CGB8: variants seen among roughly 807,000 people sequenced by gnomAD.
CGB8 encodes the protein chorionic gonadotropin, beta polypeptide 8.
A neutral mutation model predicts 7.6 loss-of-function variants in CGB8; 2 were observed. The ratio of observed to expected loss-of-function variants is 0.26; its 90% CI spans 0.11 to 0.83. The LOEUF (loss-of-function observed/expected upper bound fraction) is 0.83, where lower values mean the gene tolerates loss of function less well. CGB8 is among the 40% of genes least tolerant of loss of function. CGB8 has a pLI of 0.65. For synonymous variants in CGB8, 8 were observed against 91.5 expected (o/e 0.09, Z 5.21); for missense variants, 16 against 208.2 (o/e 0.08, Z 5.68).
Position 49,049,003 on chromosome 19 carries a change from C to G in CGB8, c.-264G>C, listed in dbSNP as rs964462686. On this transcript the variant is annotated 5_prime_UTR_variant, in exon 1 of 3. Coordinates refer to ENST00000448456, the MANE Select transcript of CGB8 (RefSeq NM_033183.3). ...CAGTCGTCGAGTGCTAGGGACTAGT[C>G]GAGCCTGGAGGCACAGGGAGTAGGG... The G allele has an allele frequency of 3.6e-6, 5 of 1,377,774 alleles. No homozygotes were observed. Among genetic ancestry groups the G allele is most frequent in the African/African-American group, 1.5e-5 (1 of 67,312 alleles). The allele number at this position is 1,377,774 out of a possible 1,614,324, so 85.3% of individuals were successfully genotyped here.
rs1268659380 is a variant in CGB8 at position 49,048,886 on chromosome 19, G to A, written c.-147C>T. 19 of 1,438,678 alleles carry A rather than the reference G, an allele frequency of 1.3e-5. No homozygotes were observed. Among genetic ancestry groups the A allele is most frequent in the Middle Eastern group, 2.0e-4 (1 of 4,884 alleles). 89.1% of individuals were successfully genotyped at this position (1,438,678 alleles called of 1,614,324 possible). ...AGGTAGACAAGGCCAGGGGGGCGCA[G>A]GAGTGGCTCAGCGGAGCGCCCCAGC... On this transcript the variant is annotated 5_prime_UTR_variant, in exon 1 of 3. Transcript: ENST00000448456.
rs548163086 is a variant in CGB8, at chr19:49,048,631, G to A, written c.15+94C>T. On this transcript the variant is annotated intron_variant, in intron 1 of 2. Transcript: ENST00000448456. ...TGGGGGTCACGCTCCTCCAGAAAGA[G>A]GCCTCCTTCCACAGCTCACACTGGT... 9.4e-5 allele frequency: 151 copies of A among 1,608,870 alleles called. No individual in the cohort carries two copies. The African/African-American group carries it at 1.8e-3, about 20-fold the overall frequency.
intron 1 of CGB8, 37 bp downstream of exon 1, chr19:49,048,688 A>T: frequency 2.5e-6 from 4 of 1,612,684 alleles, no homozygotes; most frequent in Non-Finnish European, 3.4e-6. Flanking sequence ...ATTGCCTGGA[A>T]GGAGGTGGAA....
rs1230740641 is a variant in CGB8 at position 49,048,716 on chromosome 19, C to T, written c.15+9G>A. 1.9e-6 allele frequency: 3 copies of T among 1,613,108 alleles called. No individual in the cohort carries two copies. Among genetic ancestry groups the T allele is most frequent in the East Asian group, 2.2e-5 (1 of 44,876 alleles). ...AGGTGGAAGGTGCCCAGGGGCCCTG[C>T]AGTCTTACCTGGAACATCTCCATCC... On this transcript the variant is annotated intron_variant, in intron 1 of 2. Coordinates refer to ENST00000448456, the MANE Select transcript of CGB8 (RefSeq NM_033183.3).
chr19:49,048,702 G>A, intron 1 of CGB8, 23 bp downstream of exon 1: 5 of 1,612,844 alleles, frequency 3.1e-6, no homozygotes, highest in Non-Finnish European at 3.4e-6. Flanking sequence ...GGTGGAAGGT[G>A]CCCAGGGGCC....
In CGB8 at chr19:49,048,926, G is replaced by A; in HGVS notation, c.-187C>T. ...AGCGCCCCAGCCCTCTCCTCTCACT[G>A]GTCCAGCGCCAAGGGTGAGGCGGAG... On this transcript the variant is annotated 5_prime_UTR_variant, in exon 1 of 3. Transcript: ENST00000448456. 1 of 1,303,484 alleles carries A rather than the reference G, an allele frequency of 7.7e-7. No individual in the cohort carries two copies. The highest frequency in any genetic ancestry group is 1.4e-5 in the South Asian group (1 of 69,426). The allele number at this position is 1,303,484 out of a possible 1,614,324, so 80.7% of individuals were successfully genotyped here.
At position 49,048,398 on chromosome 19, in the gene CGB8, G is replaced by A. The variant is rs536578579; in HGVS notation, c.16-26C>T. The A allele has an allele frequency of 1.3e-4, 210 of 1,597,496 alleles. 2 individuals are homozygous for A. The highest frequency in any genetic ancestry group is 1.3e-4 in the Non-Finnish European group (150 of 1,179,686). ...CTGGGACAAGGACACTGCTTCACCC[G>A]GGTCTGAGACCGCAGCCCCGAGTCC... On this transcript the variant is annotated intron_variant, in intron 1 of 2. Transcript: ENST00000448456.
chr19:49,048,809 G>C lies in CGB8; in HGVS notation c.-70C>G. On this transcript the variant is annotated 5_prime_UTR_variant, in exon 1 of 3. Coordinates refer to ENST00000448456, the MANE Select transcript of CGB8 (RefSeq NM_033183.3). Reference sequence around the variant, plus strand: ...GGTTGTGGGGGCGGCAAGGCCACCAGGAGGTTGTAGGATGCTGGAGTGAGC... The same window carrying C: ...GGTTGTGGGGGCGGCAAGGCCACCACGAGGTTGTAGGATGCTGGAGTGAGC... The C allele has an allele frequency of 6.2e-7, 1 of 1,612,320 alleles. No homozygotes were observed. Among genetic ancestry groups the C allele is most frequent in the Non-Finnish European group, 8.5e-7 (1 of 1,179,602 alleles).
rs868175758 is a variant in CGB8, at chr19:49,048,956, C to T, written c.-217G>A. On this transcript the variant is annotated 5_prime_UTR_variant, in exon 1 of 3. The change creates a new upstream start codon in the 5' untranslated region. Coordinates refer to ENST00000448456, the MANE Select transcript of CGB8 (RefSeq NM_033183.3). ...AGCGCCAAGGGTGAGGCGGAGACCA[C>T]GGTGAAGTGACCTCAGAGACTCAGT... The T allele has an allele frequency of 9.4e-6, 13 of 1,389,238 alleles. No homozygotes were observed. The highest frequency in any genetic ancestry group is 2.5e-5 in the East Asian group (1 of 39,802). 86.1% of individuals were successfully genotyped at this position (1,389,238 alleles called of 1,614,324 possible).
chr19:49,048,675 G>A (rs747483179), intron 1 of CGB8, 50 bp downstream of exon 1: 3 of 1,612,346 alleles, frequency 1.9e-6, no homozygotes, highest in Admixed American at 3.3e-5. Flanking sequence ...TCTCATGCCA[G>A]TGATTGCCTG....
chr19:49,048,619 C>T (rs1285993436), intron 1 of CGB8, 106 bp downstream of exon 1: 2 of 1,607,732 alleles, frequency 1.2e-6, no homozygotes, highest in Non-Finnish European at 1.7e-6. Context: ...GGGTCACGCT[C>T]CTCCAGAAAG....
Position 49,048,808 on chromosome 19 carries a change from A to G in CGB8, c.-69T>C, listed in dbSNP as rs2039964890. 6.2e-7 allele frequency: 1 copy of G among 1,612,228 alleles called. No individual in the cohort carries two copies. Among genetic ancestry groups the G allele is most frequent in the Admixed American group, 1.7e-5 (1 of 59,992 alleles). On this transcript the variant is annotated 5_prime_UTR_variant, in exon 1 of 3. Coordinates refer to ENST00000448456, the MANE Select transcript of CGB8 (RefSeq NM_033183.3). Reference sequence around the variant, plus strand: ...GGGTTGTGGGGGCGGCAAGGCCACCAGGAGGTTGTAGGATGCTGGAGTGAG... The same window carrying G: ...GGGTTGTGGGGGCGGCAAGGCCACCGGGAGGTTGTAGGATGCTGGAGTGAG...
Position 49,048,843 on chromosome 19 carries a change from A to C in CGB8, c.-104T>G. On this transcript the variant is annotated 5_prime_UTR_variant, in exon 1 of 3. Transcript: ENST00000448456. Reference sequence around the variant, plus strand: ...AGGATGCTGGAGTGAGCTCGACACTAACCCTTCGGGGGGCAAGAGGTAGAC... The same window carrying C: ...AGGATGCTGGAGTGAGCTCGACACTCACCCTTCGGGGGGCAAGAGGTAGAC... The C allele has an allele frequency of 6.2e-7, 1 of 1,604,766 alleles. No individual in the cohort carries two copies. Among genetic ancestry groups the C allele is most frequent in the Non-Finnish European group, 8.5e-7 (1 of 1,173,628 alleles).
chr19:49,048,331 C>G lies in CGB8; in HGVS notation c.57G>C (p.Trp19Cys). ...LLLLLSMGGTWASKEPLRPRC... is the reference protein window; with the variant it reads ...LLLLLSMGGTCASKEPLRPRC... ...GTGGCCGAAGCGGCTCCTTGGATGCCCATGTCCCGCCCATGCTCAGCAGCA... is the reference window on the plus strand; with the variant it reads ...GTGGCCGAAGCGGCTCCTTGGATGCGCATGTCCCGCCCATGCTCAGCAGCA... The change falls in exon 2 of 3, where the codon TGG becomes TGC. Residue 19 changes from tryptophan (W) to cysteine (C), a missense_variant. By Grantham distance (215) the Trp-to-Cys change is radical. Transcript: ENST00000448456. 2.5e-6 allele frequency: 4 copies of G among 1,593,244 alleles called. No homozygotes were observed. Among genetic ancestry groups the G allele is most frequent in the Non-Finnish European group, 3.4e-6 (4 of 1,179,348 alleles).
Position 49,049,102 on chromosome 19 carries a change from G to A in CGB8, c.-363C>T. 1 of 1,160,138 alleles carries A rather than the reference G, an allele frequency of 8.6e-7. No homozygotes were observed. The highest frequency in any genetic ancestry group is 1.1e-6 in the Non-Finnish European group (1 of 932,018). 71.9% of individuals were successfully genotyped at this position (1,160,138 alleles called of 1,614,324 possible). On this transcript the variant is annotated 5_prime_UTR_variant, in exon 1 of 3. Coordinates refer to ENST00000448456, the MANE Select transcript of CGB8 (RefSeq NM_033183.3). ...GAGGCCGTGACCCGAGAAAGGTGCT[G>A]GACTGAAGCCTCAACCCTCCTCTAC... is the stretch of plus-strand genomic sequence containing the variant.
At position 49,048,789 on chromosome 19, in the gene CGB8, T is replaced by G. The variant is rs1178539999; in HGVS notation, c.-50A>C. ...TACCTGGCTTTAAACCTCGGGGTTG[T>G]GGGGGCGGCAAGGCCACCAGGAGGT... On this transcript the variant is annotated 5_prime_UTR_variant, in exon 1 of 3. Transcript: ENST00000448456. 5.6e-6 allele frequency: 9 copies of G among 1,612,518 alleles called. No individual in the cohort carries two copies. The highest frequency in any genetic ancestry group is 7.6e-6 in the Non-Finnish European group (9 of 1,179,792).
Position 49,048,839 on chromosome 19 carries a change from C to A in CGB8, c.-100G>T, listed in dbSNP as rs866060952. The stretch of plus-strand genomic sequence containing the variant: ...TTGTAGGATGCTGGAGTGAGCTCGA[C>A]ACTAACCCTTCGGGGGGCAAGAGGT... On this transcript the variant is annotated 5_prime_UTR_variant, in exon 1 of 3. Coordinates refer to ENST00000448456, the MANE Select transcript of CGB8 (RefSeq NM_033183.3). The A allele has an allele frequency of 1.5e-5, 24 of 1,606,744 alleles. No individual in the cohort carries two copies. Among genetic ancestry groups the A allele is most frequent in the Middle Eastern group, 3.3e-4 (2 of 5,996 alleles).
intron 2 of CGB8, 89 bp downstream of exon 2, chr19:49,048,116 C>T: frequency 9.3e-7 from 1 of 1,072,442 alleles, no homozygotes; most frequent in Non-Finnish European, 1.3e-6. Context: ...CAGCCCCTGA[C>T]CAGAGAGGCA....
In CGB8 at chr19:49,048,717, A is replaced by C. The variant is rs546263075; in HGVS notation, c.15+8T>G. 167 of 1,613,086 alleles carry C rather than the reference A, an allele frequency of 1.0e-4. 5 individuals carry two copies. In the East Asian group the frequency reaches 3.0e-3, roughly 29 times the overall value. On this transcript the variant is annotated splice_region_variant and intron_variant, in intron 1 of 2. Transcript: ENST00000448456. The stretch of plus-strand genomic sequence containing the variant: ...GGTGGAAGGTGCCCAGGGGCCCTGC[A>C]GTCTTACCTGGAACATCTCCATCCT...
Sources: gnomAD v4.1 joint callset for allele counts on GRCh38, gnomAD v4.1.1 for gene constraint, MANE v1.5 for transcripts, NCBI Gene and HGNC (gene_info 2026-07-23, HGNC 2026-07-21) for gene names.